Variants in PTCH1 observed in about 807,000 individuals in gnomAD.
PTCH1 encodes the protein patched 1, also known as protein patched homolog 1.
Under a neutral mutation model 144.6 loss-of-function variants are expected in PTCH1, and 14 were observed. That is an observed-to-expected ratio of 0.10 (90% confidence interval 0.06 to 0.15). PTCH1 has a LOEUF of 0.15. Among genes scored for constraint, PTCH1 ranks in the 10% least tolerant of loss-of-function variants. PTCH1 has a pLI of 1.00. For synonymous variants in PTCH1, 833 were observed against 793.6 expected (o/e 1.05, Z -0.83); for missense variants, 1,623 against 1,948.3 (o/e 0.83, Z 3.14).
chr9:95,477,186 C>T (rs981447139), intron 10 of PTCH1, among the ~76,000 whole-genome samples: 30 of 152,222 alleles, frequency 2.0e-4, no homozygotes, highest in African/African-American at 6.5e-4. Flanking sequence ...TTCTCAGCCC[C>T]GGCCCCAGAC....
intron 19 of PTCH1, among the ~76,000 whole-genome samples, chr9:95,454,091 C>G (rs1009267330): frequency 6.6e-6 from 1 of 152,180 alleles, no homozygotes; most frequent in Non-Finnish European, 1.5e-5. Flanking sequence ...CTGTTTCAGG[C>G]TATGTTTGTA....
At chr9:95,506,636 G>T (rs1388640810) in intron 1 of PTCH1, 37 bp from the exon 2 acceptor site, 2 of 1,479,700 alleles carry the variant, frequency 1.4e-6, no homozygotes, top group Non-Finnish European at 1.8e-6. Context: ...GAGCGCCGGG[G>T]AGTCGCGGCC....
intron 15 of PTCH1, among the ~76,000 whole-genome samples, chr9:95,463,233 A>AG (rs1446049352): frequency 1.3e-5 from 2 of 151,806 alleles, no homozygotes; most frequent in Non-Finnish European, 2.9e-5. Context: ...AAGTGTGGGG[A>AG]GGGAGGGGGA....
intron 2 of PTCH1, among the ~76,000 whole-genome samples, chr9:95,494,718 C>G (rs1356748351): frequency 1.3e-5 from 2 of 152,176 alleles, no homozygotes; most frequent in African/African-American, 4.8e-5. Context: ...AACCCAGGAA[C>G]CAACACAGCG....
chr9:95,516,939 C>T lies in PTCH1; in HGVS notation c.-468G>A, dbSNP rs1018017503. On this transcript the variant is annotated 5_prime_UTR_variant, in exon 1 of 23. Coordinates refer to the PTCH1 transcript ENST00000430669. ...AGGAAAGCAAAGTAAACTCGAGGAA[C>T]GTGCTATCAGCACAGCCCTCCTGGG... The T allele has an allele frequency of 5.4e-5, 45 of 837,562 alleles. 1 individual carries two copies. Among genetic ancestry groups the T allele is most frequent in the South Asian group, 4.0e-4 (21 of 52,826 alleles). 51.9% of individuals were successfully genotyped at this position (837,562 alleles called of 1,614,324 possible).
At chr9:95,497,551 T>C (rs1842871648) in intron 2 of PTCH1, among the ~76,000 whole-genome samples, 1 of 152,222 alleles carries the variant, frequency 6.6e-6, no homozygotes, top group South Asian at 2.1e-4. Context: ...GAGGTCATCT[T>C]GGAGGCTCGG....
Position 95,469,003 on chromosome 9 carries a change from C to T in PTCH1, c.1998G>A (p.Thr666=), listed in dbSNP as rs369710438. 2.4e-5 allele frequency: 39 copies of T among 1,614,016 alleles called. No individual in the cohort carries two copies. Among genetic ancestry groups the T allele is most frequent in the African/African-American group, 2.7e-5 (2 of 74,992 alleles). The change falls in exon 14 of 24, where the codon ACG becomes ACA. Residue 666 remains threonine (T), a synonymous_variant. Coordinates refer to ENST00000331920, the MANE Select transcript of PTCH1 (RefSeq NM_000264.5). ...ITMQSTVQLR[T]EYDPHTHVYY... ...ACACGTGCGTGTGGGGGTCGTACTC[C>T]GTGCGGAGCTGGACAGTGGACTGCA...
chr9:95,480,157 CA>C (rs1841417999), intron 6 of PTCH1, 67 bp from the exon 7 acceptor site: 3 of 1,607,268 alleles, frequency 1.9e-6, no homozygotes, highest in Non-Finnish European at 1.7e-6. Context: ...TGTTAAAATC[CA>C]GTGCATTAAG....
intron 20 of PTCH1, chr9:95,453,226 G>C: frequency 2.2e-6 from 1 of 464,520 alleles, no homozygotes. Flanking sequence ...TCCGCCTCCC[G>C]GGTTCGAGCA....
At chr9:95,516,415 G>C in intron 1 of PTCH1, 1 of 1,326,228 alleles carries the variant, frequency 7.5e-7, no homozygotes, top group Admixed American at 3.9e-5. Context: ...CGCCCGAGGA[G>C]CACGGCGCGC....
chr9:95,478,564 CCT>C (rs568102824), intron 8 of PTCH1, among the ~76,000 whole-genome samples: 92 of 152,308 alleles, frequency 6.0e-4, no homozygotes, highest in African/African-American at 1.9e-3. Flanking sequence ...CCCTCCTCCC[CCT>C]GTTCATTTGC....
At chr9:95,512,826 T>TAA, upstream of PTCH1, among the ~76,000 whole-genome samples, 1 of 152,250 alleles carries the variant, frequency 6.6e-6, no homozygotes, top group East Asian at 1.9e-4. Context: ...AGTTACCAAA[T>TAA]AAAAATAAGT....
rs56141639 is a variant in PTCH1 at position 95,480,438 on chromosome 9, C to G, written c.897G>C (p.Pro299=). The part of the protein sequence containing the change: ...HGYMDRPCLN[P]ADPDCPATAP... ...CTGTGGCGGGGCAGTCTGGATCGGC[C>G]GGATTGAGGCAGGGGCGGTCCATGT... The change falls in exon 6 of 24, where the codon CCG becomes CCC. Residue 299 remains proline, a synonymous_variant. Coordinates refer to ENST00000331920, the MANE Select transcript of PTCH1 (RefSeq NM_000264.5). 11 of 1,611,368 alleles carry G rather than the reference C, an allele frequency of 6.8e-6. No individual in the cohort carries two copies. The highest frequency in any genetic ancestry group is 8.5e-6 in the Non-Finnish European group (10 of 1,179,654).
chr9:95,449,570 A>G lies in PTCH1; in HGVS notation c.3550-247T>C. On this transcript the variant is annotated intron_variant, in intron 21 of 23. Transcript: ENST00000331920. This position sits in a 1 kb window ranked among gnomAD's most constrained non-coding sequence, Gnocchi z 5.3. ...TGTACTTTTTACTCTTGTGAAGTCC[A>G]ATTATGCATCTCAAGGGGAAAGTCT... The G allele has an allele frequency of 1.6e-6, 1 of 635,672 alleles. No individual in the cohort carries two copies. The allele number at this position is 635,672 out of a possible 1,614,324, so 39.4% of individuals were successfully genotyped here. A position where few individuals can be genotyped will look rare whatever the true frequency, so the allele number is the denominator to read the frequency against.
At chr9:95,446,759 G>C (rs1372029077) in intron 23 of PTCH1, 152 bp downstream of exon 23, 4 of 973,686 alleles carry the variant, frequency 4.1e-6, no homozygotes, top group Non-Finnish European at 6.3e-6. Context: ...GGACACATCA[G>C]CCTTGCTCTG....
intron 1 of PTCH1, among the ~76,000 whole-genome samples, chr9:95,516,073 C>T (rs1236496178): frequency 2.0e-5 from 3 of 152,044 alleles, no homozygotes; most frequent in Admixed American, 6.5e-5. Context: ...GTAGCCACCA[C>T]CAGGCTGATG....
At chr9:95,453,036 C>T (rs374903027) in intron 20 of PTCH1, 3 of 313,954 alleles carry the variant, frequency 9.6e-6, no homozygotes, top group Middle Eastern at 1.1e-3. Flanking sequence ...AATATCTCTA[C>T]GTTAACAAGT....
intron 16 of PTCH1, among the ~76,000 whole-genome samples, chr9:95,461,094 G>A (rs1564023343): frequency 6.6e-6 from 1 of 152,128 alleles, no homozygotes; most frequent in African/African-American, 2.4e-5. Context: ...AAGAGGCTCC[G>A]AGGAAGCTGA....
At position 95,508,653 on chromosome 9, in the gene PTCH1, A is replaced by G. The variant is rs1304960835; in HGVS notation, c.-292T>C. On this transcript the variant is annotated 5_prime_UTR_variant, in exon 1 of 24. An upstream start codon of the reference 5' UTR is lost. Coordinates refer to ENST00000331920, the MANE Select transcript of PTCH1 (RefSeq NM_000264.5). ...GGTCTCTGCGGCCGCCGCTGCCCACATCCAGTTCGCGGAAGAGCGAGAGCC... is the reference window on the plus strand; with the variant it reads ...GGTCTCTGCGGCCGCCGCTGCCCACGTCCAGTTCGCGGAAGAGCGAGAGCC... The G allele has an allele frequency of 3.0e-6, 3 of 986,330 alleles. No homozygotes were observed. The highest frequency in any genetic ancestry group is 3.6e-6 in the Non-Finnish European group (3 of 831,406). 61.1% of individuals were successfully genotyped at this position (986,330 alleles called of 1,614,324 possible). A position where few individuals can be genotyped will look rare whatever the true frequency, so the allele number is the denominator to read the frequency against.
Sources: allele counts gnomAD v4.1 joint callset (sites outside exome capture counted in the v4.1 genomes callset), GRCh38; gene constraint gnomAD v4.1.1; non-coding constraint Gnocchi (gnomAD v3.1); transcripts MANE v1.5; gene names NCBI Gene and HGNC (gene_info 2026-07-23, HGNC 2026-07-21).